FAM227A: variants seen among roughly 807,000 people sequenced by gnomAD.
FAM227A encodes family with sequence similarity 227 member A, also known as protein FAM227A.
A neutral mutation model predicts 74.7 loss-of-function variants in FAM227A; 80 were observed. That is an observed-to-expected ratio of 1.07 (90% confidence interval 0.89 to 1.29). The LOEUF (loss-of-function observed/expected upper bound fraction) is 1.29, where lower values mean the gene tolerates loss of function less well. Among genes scored for constraint, FAM227A ranks in the 50% most tolerant of loss-of-function variants. FAM227A has a pLI of 0.00. For missense variants in FAM227A, 654 were observed against 683.4 expected (o/e 0.96, Z 0.48); for synonymous variants, 237 against 241.8 (o/e 0.98, Z 0.19).
intron 5 of FAM227A, 28 bp from the exon 6 acceptor site, chr22:38,636,625 T>A (rs2092012281): frequency 6.5e-7 from 1 of 1,546,580 alleles, no homozygotes; most frequent in Non-Finnish European, 8.7e-7. Context: ...AATATGAAAA[T>A]GGGGTTCACA....
chr22:38,621,055 G>A (rs537842456), intron 10 of FAM227A, among the ~76,000 whole-genome samples: 5 of 148,702 alleles, frequency 3.4e-5, no homozygotes, highest in East Asian at 2.1e-4. Flanking sequence ...TCCCTGAGTC[G>A]GCCGGGCATG....
At chr22:38,617,072 T>A (rs141416023) in intron 11 of FAM227A, among the ~76,000 whole-genome samples, 2 of 151,792 alleles carry the variant, frequency 1.3e-5, no homozygotes, top group Admixed American at 6.6e-5. Flanking sequence ...GGGGAAGTGT[T>A]TCGAAGGTGG....
intron 6 of FAM227A, among the ~76,000 whole-genome samples, chr22:38,633,019 T>C (rs1347742649): frequency 6.6e-6 from 1 of 152,062 alleles, no homozygotes; most frequent in Non-Finnish European, 1.5e-5. Context: ...CACTCCCAGA[T>C]GGGGCAAGGT....
chr22:38,593,980 C>T (rs2090993341), intron 15 of FAM227A, among the ~76,000 whole-genome samples: 1 of 152,236 alleles, frequency 6.6e-6, no homozygotes, highest in African/African-American at 2.4e-5. Flanking sequence ...GTGTGAGCTA[C>T]TGTGACCAGC....
chr22:38,638,651 C>A, intron 5 of FAM227A, 95 bp downstream of exon 5: 1 of 899,744 alleles, frequency 1.1e-6, no homozygotes. Flanking sequence ...ATAATCACTA[C>A]CCAGGCACCA....
intron 1 of FAM227A, among the ~76,000 whole-genome samples, chr22:38,654,178 C>T (rs2092358736): frequency 6.6e-6 from 1 of 151,814 alleles, no homozygotes; most frequent in South Asian, 2.1e-4. Context: ...GAAACCCCGT[C>T]TCCACTAAAA....
rs930257645 is a variant in FAM227A at position 38,623,355 on chromosome 22, C to T, written c.851-76G>A. The T allele has an allele frequency of 2.2e-5, 21 of 964,504 alleles. No homozygotes were observed. In the African/African-American group the frequency reaches 2.9e-4, roughly 13 times the overall value. The allele number at this position is 964,504 out of a possible 1,614,324, so 59.7% of individuals were successfully genotyped here. A position where few individuals can be genotyped will look rare whatever the true frequency, so the allele number is the denominator to read the frequency against. On this transcript the variant is annotated intron_variant, in intron 9 of 16. Transcript: ENST00000535113. ...CTGTAATCCCAGAACTTTGAGAAGC[C>T]AAGGTGGGAGGATTGCTTGAGCCCA...
chr22:38,589,277 C>A (rs1237664671), intron 16 of FAM227A, among the ~76,000 whole-genome samples: 1 of 152,164 alleles, frequency 6.6e-6, no homozygotes, highest in Non-Finnish European at 1.5e-5. Flanking sequence ...GAACCCCGCA[C>A]AGGAAGCATG....
intron 11 of FAM227A, among the ~76,000 whole-genome samples, chr22:38,619,579 C>T (rs1569213258): frequency 6.6e-6 from 1 of 152,194 alleles, no homozygotes; most frequent in Non-Finnish European, 1.5e-5. Flanking sequence ...CTGCCTTGGG[C>T]TCCCAAAGTA....
At chr22:38,627,170 G>A (rs1317942228) in intron 8 of FAM227A, among the ~76,000 whole-genome samples, 1 of 151,326 alleles carries the variant, frequency 6.6e-6, no homozygotes, top group Non-Finnish European at 1.5e-5. Flanking sequence ...AATCCTTTTA[G>A]TATATATATA....
intron 11 of FAM227A, among the ~76,000 whole-genome samples, chr22:38,618,852 T>C (rs545500704): frequency 1.6e-4 from 24 of 151,738 alleles, no homozygotes; most frequent in Admixed American, 9.2e-4. Flanking sequence ...TTGTAGACAA[T>C]AGTAAATGAA....
In FAM227A at chr22:38,597,332, A is replaced by C. The variant is rs1011743501; in HGVS notation, c.1404T>G (p.Asp468Glu). ...TGCTGCACAGGGTCTCGCTGATGACATCAGTATACGTTGGGGTGCAGTCAG... is the reference window on the plus strand; with the variant it reads ...TGCTGCACAGGGTCTCGCTGATGACCTCAGTATACGTTGGGGTGCAGTCAG... ...STPDCTPTYT[D>E]VISETLCSMK... The change falls in exon 15 of 17, where the codon GAT becomes GAG. Residue 468 changes from aspartate to glutamate, a missense_variant. By Grantham distance (45) the Asp-to-Glu change is conservative (BLOSUM62 2). Transcript: ENST00000535113. The C allele has an allele frequency of 5.8e-6, 9 of 1,551,686 alleles. No individual in the cohort carries two copies. Among genetic ancestry groups the C allele is most frequent in the African/African-American group, 5.5e-5 (4 of 73,022 alleles).
intron 14 of FAM227A, among the ~76,000 whole-genome samples, chr22:38,598,440 C>T (rs963980481): frequency 1.2e-4 from 18 of 152,302 alleles, no homozygotes; most frequent in Middle Eastern, 3.4e-3. Context: ...ACCCAGGTTC[C>T]TTCCACTACA....
intron 6 of FAM227A, among the ~76,000 whole-genome samples, chr22:38,631,557 T>C (rs1183909420): frequency 6.6e-6 from 1 of 151,844 alleles, no homozygotes; most frequent in Non-Finnish European, 1.5e-5. Flanking sequence ...TGTAAGAAAA[T>C]AACTGCATGA....
At chr22:38,638,701 C>G in intron 5 of FAM227A, 45 bp downstream of exon 5, 1 of 1,372,518 alleles carries the variant, frequency 7.3e-7, no homozygotes, top group Non-Finnish European at 1.0e-6. Flanking sequence ...TATTTCATGC[C>G]TAGCAGAAGC....
chr22:38,602,987 C>T (rs1452445657), intron 13 of FAM227A, among the ~76,000 whole-genome samples: 1 of 152,156 alleles, frequency 6.6e-6, no homozygotes, highest in African/African-American at 2.4e-5. Flanking sequence ...AATTCTCCTG[C>T]CTCAGCCTCC....
chr22:38,584,746 C>T lies in FAM227A; in HGVS notation c.*1379G>A, dbSNP rs1416982176. On this transcript the variant is annotated 3_prime_UTR_variant, in exon 17 of 17. Coordinates refer to ENST00000535113, the MANE Select transcript of FAM227A (RefSeq NM_001013647.2). ...CTGCGCCACTGCATTCCAGCCTGGA[C>T]AACAGACTGAGAGTCTGCCTCTAAA... 2 of 152,188 alleles carry T rather than the reference C, an allele frequency of 1.3e-5. No homozygotes were observed. The highest frequency in any genetic ancestry group is 4.2e-4 in the South Asian group (2 of 4,810). 9.4% of individuals were successfully genotyped at this position (152,188 alleles called of 1,614,324 possible).
rs951897261 is a variant in FAM227A, at chr22:38,582,756, G to A, written c.*3369C>T. On this transcript the variant is annotated 3_prime_UTR_variant, in exon 17 of 17. Transcript: ENST00000535113. Reference sequence around the variant, plus strand: ...TTGCTGTATGGGGGCTAATAGTAGCGGTGGATAGGTAGACAGGCAATTCCA... The same window carrying A: ...TTGCTGTATGGGGGCTAATAGTAGCAGTGGATAGGTAGACAGGCAATTCCA... 7.1e-6 allele frequency: 10 copies of A among 1,412,864 alleles called. No individual in the cohort carries two copies. The highest frequency in any genetic ancestry group is 2.8e-5 in the African/African-American group (2 of 70,280). The allele number at this position is 1,412,864 out of a possible 1,614,324, so 87.5% of individuals were successfully genotyped here.
chr22:38,580,151 C>A lies in FAM227A; in HGVS notation c.*5974G>T, dbSNP rs1222473675. 1 of 152,246 alleles carries A rather than the reference C, an allele frequency of 6.6e-6. No individual in the cohort carries two copies. Among genetic ancestry groups the A allele is most frequent in the Non-Finnish European group, 1.5e-5 (1 of 68,066 alleles). 9.4% of individuals were successfully genotyped at this position (152,246 alleles called of 1,614,324 possible). A position where few individuals can be genotyped will look rare whatever the true frequency, so the allele number is the denominator to read the frequency against. On this transcript the variant is annotated 3_prime_UTR_variant, in exon 17 of 17. Coordinates refer to ENST00000535113, the MANE Select transcript of FAM227A (RefSeq NM_001013647.2). ...ACCCGGTTTGGTCTCACCTCCTGGG[C>A]TCTAGGGGTTCTTCCACCTTGGCCT...
Sources: gnomAD v4.1 joint callset for allele counts (sites outside exome capture counted in the v4.1 genomes callset) on GRCh38, gnomAD v4.1.1 for gene constraint, MANE v1.5 for transcripts, NCBI Gene and HGNC (gene_info 2026-07-23, HGNC 2026-07-21) for gene names.